The following USP15 variants were observed in gnomAD, a reference collection of about 807,000 sequenced individuals.
The protein encoded by USP15 is ubiquitin carboxyl-terminal hydrolase 15.
In USP15, 18 loss-of-function variants were observed where a neutral mutation model predicts 127.1. The ratio of observed to expected loss-of-function variants is 0.14; its 90% CI spans 0.10 to 0.21. The LOEUF is 0.21. Among genes scored for constraint, USP15 ranks in the 10% least tolerant of loss-of-function variants. The pLI, the probability that USP15 is intolerant of heterozygous loss-of-function variation, is 1.00. For missense variants in USP15, 805 were observed against 1,159.9 expected, an observed-to-expected ratio of 0.69 and a Z score of 4.44; for synonymous variants, 364 against 393.7, an observed-to-expected ratio of 0.92 and a Z score of 0.89.
intron 8 of USP15, among the ~76,000 whole-genome samples, chr12:62,365,613 A>G (rs1364464609): frequency 6.6e-6 from 1 of 152,186 alleles, no homozygotes; most frequent in Non-Finnish European, 1.5e-5. Flanking sequence ...TGTTTTAGAC[A>G]TGAAGTCTTT....
At chr12:62,378,933 G>A (rs886652193) in intron 8 of USP15, among the ~76,000 whole-genome samples, 4 of 152,066 alleles carry the variant, frequency 2.6e-5, no homozygotes, top group Admixed American at 2.0e-4. Flanking sequence ...TACATTTATT[G>A]TGAACATGAT....
intron 1 of USP15, among the ~76,000 whole-genome samples, chr12:62,278,189 A>G (rs1316031023): frequency 3.9e-5 from 6 of 152,010 alleles, no homozygotes; most frequent in Non-Finnish European, 5.9e-5. Context: ...CTGCCTCCAT[A>G]TCTTGTCCCA....
At chr12:62,305,557 A>G (rs996240904) in intron 3 of USP15, 1 of 152,180 alleles carries the variant, frequency 6.6e-6, no homozygotes, top group Non-Finnish European at 1.5e-5. Context: ...ATGGAAGGAA[A>G]ATTATTCCAG....
At chr12:62,402,567 G>A (rs1179593258) in intron 21 of USP15, among the ~76,000 whole-genome samples, 1 of 151,954 alleles carries the variant, frequency 6.6e-6, no homozygotes, top group Middle Eastern at 3.2e-3. Flanking sequence ...AAAGAAAACG[G>A]TATCTACAAA....
At chr12:62,370,334 A>G (rs1448256791) in intron 8 of USP15, among the ~76,000 whole-genome samples, 2 of 152,134 alleles carry the variant, frequency 1.3e-5, no homozygotes, top group Non-Finnish European at 2.9e-5. Flanking sequence ...AGGGAGACCC[A>G]TGACCTTGAA....
intron 6 of USP15, chr12:62,335,634 T>C: frequency 2.0e-6 from 2 of 989,866 alleles, no homozygotes; most frequent in Non-Finnish European, 2.4e-6. Flanking sequence ...ATCTTCCCCC[T>C]CAGCCTATGA....
intron 3 of USP15, chr12:62,305,576 T>C (rs531322800): frequency 1.3e-5 from 2 of 152,292 alleles, no homozygotes; most frequent in Middle Eastern, 3.4e-3. Flanking sequence ...AGATGAAAGC[T>C]TGGAGATGCA....
intron 6 of USP15, 99 bp downstream of exon 6, chr12:62,326,032 C>A: frequency 1.0e-6 from 1 of 995,464 alleles, no homozygotes. Flanking sequence ...ATGTGTATTG[C>A]AGAAATTCAT....
intron 8 of USP15, among the ~76,000 whole-genome samples, chr12:62,368,356 A>G (rs1434132865): frequency 6.6e-6 from 1 of 152,058 alleles, no homozygotes; most frequent in Non-Finnish European, 1.5e-5. Context: ...TCAAGTCCCG[A>G]ATATCCTTGT....
chr12:62,346,946 C>T (rs1207944198), intron 6 of USP15, among the ~76,000 whole-genome samples: 1 of 152,092 alleles, frequency 6.6e-6, no homozygotes, highest in Non-Finnish European at 1.5e-5. Flanking sequence ...CCACCTATCC[C>T]TCTAATTGTA....
In USP15 at chr12:62,390,140, C is replaced by A. The variant is rs926643297; in HGVS notation, c.1844+152C>A. On this transcript the variant is annotated intron_variant, in intron 14 of 21. Coordinates refer to ENST00000280377, the MANE Select transcript of USP15 (RefSeq NM_001252078.2). ...TTCATAGTCAGATTATAGTCCTAAT[C>A]CACTTTCTTATTCATGTAAAACATA... 19 of 861,202 alleles carry A rather than the reference C, an allele frequency of 2.2e-5. 1 individual carries two copies. In the South Asian group the frequency reaches 6.3e-4, roughly 29 times the overall value. 53.3% of individuals were successfully genotyped at this position (861,202 alleles called of 1,614,324 possible).
chr12:62,320,817 A>G (rs934768922), intron 4 of USP15, among the ~76,000 whole-genome samples: 2 of 152,114 alleles, frequency 1.3e-5, no homozygotes, highest in African/African-American at 2.4e-5. Flanking sequence ...TTCTGTATTC[A>G]TATATCATAA....
At chr12:62,298,512 A>G (rs1592528929) in intron 2 of USP15, among the ~76,000 whole-genome samples, 1 of 152,194 alleles carries the variant, frequency 6.6e-6, no homozygotes, top group East Asian at 1.9e-4. Flanking sequence ...TAAAAATACA[A>G]AAAATTAGCT....
chr12:62,314,988 C>G, intron 4 of USP15, 72 bp downstream of exon 4: 3 of 1,332,004 alleles, frequency 2.3e-6, no homozygotes, highest in Non-Finnish European at 2.9e-6. Context: ...TTTGTATATG[C>G]TACTTGGATG....
chr12:62,290,110 C>G (rs1228762717), intron 1 of USP15, among the ~76,000 whole-genome samples: 1 of 152,088 alleles, frequency 6.6e-6, no homozygotes, highest in Non-Finnish European at 1.5e-5. Context: ...GAATGTTCTG[C>G]AAATGTCTGC....
At position 62,408,238 on chromosome 12, in the gene USP15, G is replaced by A. The variant is rs1203216350; in HGVS notation, c.*3863G>A. 1 of 152,056 alleles carries A rather than the reference G, an allele frequency of 6.6e-6. No homozygotes were observed. Among genetic ancestry groups the A allele is most frequent in the African/African-American group, 2.4e-5 (1 of 41,412 alleles). The allele number at this position is 152,056 out of a possible 1,614,324, so 9.4% of individuals were successfully genotyped here. ...TAGACTGATAACGTTTAAGTCTGAT[G>A]TATGGTGACAAGAAAAAGGCCAATT... On this transcript the variant is annotated 3_prime_UTR_variant, in exon 22 of 22. Coordinates refer to ENST00000280377, the MANE Select transcript of USP15 (RefSeq NM_001252078.2).
intron 13 of USP15, 40 bp downstream of exon 13, chr12:62,389,739 A>C: frequency 6.3e-7 from 1 of 1,598,166 alleles, no homozygotes; most frequent in Non-Finnish European, 8.5e-7. Context: ...TACTTGAAAA[A>C]AAATTAATAG....
chr12:62,391,394 A>G lies in USP15; in HGVS notation c.2198A>G (p.His733Arg). The G allele has an allele frequency of 6.2e-7, 1 of 1,612,164 alleles. No individual in the cohort carries two copies. The highest frequency in any genetic ancestry group is 1.1e-5 in the South Asian group (1 of 90,766). ...DINYIKDDTR[H>R]IRFDDRQLRL... Reference sequence around the variant, plus strand: ...AACTACATCAAAGATGATACCAGGCATATAAGATTTGATGATAGGCAGCTT... The same window carrying G: ...AACTACATCAAAGATGATACCAGGCGTATAAGATTTGATGATAGGCAGCTT... The change falls in exon 16 of 22, where the codon CAT (histidine) becomes CGT (arginine). Residue 733 changes from histidine (H) to arginine (R), a missense_variant. Transcript: ENST00000280377.
chr12:62,402,996 A>T (rs1030689189), intron 21 of USP15, among the ~76,000 whole-genome samples: 2 of 152,088 alleles, frequency 1.3e-5, no homozygotes, highest in East Asian at 3.8e-4. Context: ...TATAATAAGG[A>T]TAATAGATGT....
Sources: allele counts gnomAD v4.1 joint callset (sites outside exome capture counted in the v4.1 genomes callset), GRCh38; gene constraint gnomAD v4.1.1; transcripts MANE v1.5; gene names NCBI Gene and HGNC (gene_info 2026-07-23, HGNC 2026-07-21).